The following PDIA6 variants were observed in gnomAD, a reference collection of about 807,000 sequenced individuals.
PDIA6 encodes protein disulfide-isomerase A6.
Under a neutral mutation model 58.4 loss-of-function variants are expected in PDIA6, and 29 were observed. The observed-to-expected ratio is 0.50, with a 90% CI of 0.37 to 0.68. The LOEUF is 0.68. PDIA6 is among the 30% of genes least tolerant of loss of function. The probability of loss-of-function intolerance (pLI) is 0.00; values close to 1 mark genes in which losing one functional copy is unlikely to be tolerated. For missense variants in PDIA6, 480 were observed against 551.0 expected (o/e 0.87, Z 1.29); for synonymous variants, 192 against 202.6 (o/e 0.95, Z 0.44).
Position 10,802,565 on chromosome 2 carries a change from G to C in PDIA6, c.95C>G (p.Pro32Arg). 6.7e-7 allele frequency: 1 copy of C among 1,483,454 alleles called. No individual in the cohort carries two copies. Among genetic ancestry groups the C allele is most frequent in the Admixed American group, 2.3e-5 (1 of 44,146 alleles). 91.9% of individuals were successfully genotyped at this position (1,483,454 alleles called of 1,614,324 possible). ...SSSDDVIELT[P>R]SNFNREVIQS... Reference sequence around the variant, plus strand: ...AATAACTTCTCGGTTGAAATTCGATGGAGTTAATTCGATCACATCATCACT... The same window carrying C: ...AATAACTTCTCGGTTGAAATTCGATCGAGTTAATTCGATCACATCATCACT... The change falls in exon 2 of 13, where the codon CCA (proline) becomes CGA (arginine). Residue 32 changes from proline (P) to arginine (R), a missense_variant. Coordinates refer to ENST00000272227, the MANE Select transcript of PDIA6 (RefSeq NM_005742.4).
At chr2:10,800,601 C>A (rs1169338537) in intron 2 of PDIA6, among the ~76,000 whole-genome samples, 2 of 140,894 alleles carry the variant, frequency 1.4e-5, no homozygotes, top group Non-Finnish European at 3.1e-5. Flanking sequence ...TAAAGGAGAT[C>A]TTTTTTTTTT....
exon 1 of PDIA6, chr2:10,837,559 T>C (rs1019429081): frequency 7.9e-6 from 6 of 763,044 alleles, no homozygotes; most frequent in Admixed American, 6.0e-5. Context: ...CATCAACTCA[T>C]TTGATCCTCG....
chr2:10,792,487 A>ATC (rs1426209379), intron 5 of PDIA6, among the ~76,000 whole-genome samples: 2 of 152,198 alleles, frequency 1.3e-5, no homozygotes, highest in African/African-American at 4.8e-5. Flanking sequence ...AGAGCATGAA[A>ATC]TCTCTGGGTA....
At chr2:10,836,135 T>C (rs2148586977), upstream of PDIA6, among the ~76,000 whole-genome samples, 1 of 151,750 alleles carries the variant, frequency 6.6e-6, no homozygotes, top group South Asian at 2.1e-4. Context: ...CCCGTGGGGG[T>C]GCCACCACCA....
intron 8 of PDIA6, among the ~76,000 whole-genome samples, 178 bp downstream of exon 8, chr2:10,789,571 T>C (rs1665938842): frequency 6.6e-6 from 1 of 152,252 alleles, no homozygotes; most frequent in South Asian, 2.1e-4. Flanking sequence ...GTAATTATTC[T>C]AATGCTAAAA....
At chr2:10,801,113 T>C (rs1285180481) in intron 2 of PDIA6, among the ~76,000 whole-genome samples, 1 of 152,108 alleles carries the variant, frequency 6.6e-6, no homozygotes, top group African/African-American at 2.4e-5. Context: ...ATTCCGTCTC[T>C]ATAAAAAATA....
intron 1 of PDIA6, 45 bp downstream of exon 1, chr2:10,812,633 G>C (rs747679252): frequency 6.7e-7 from 1 of 1,502,112 alleles, no homozygotes; most frequent in South Asian, 1.2e-5. Context: ...AAACCTTTCA[G>C]GCCGACCCCA....
chr2:10,810,383 A>AAAGG, intron 1 of PDIA6: 1 of 1,496,160 alleles, frequency 6.7e-7, no homozygotes, highest in South Asian at 1.3e-5. Flanking sequence ...GGACAGCAAT[A>AAAGG]ACGTCAGTCC....
intron 1 of PDIA6, among the ~76,000 whole-genome samples, chr2:10,831,436 T>C (rs1734437): frequency 0.99 from 150,572 of 152,240 alleles, 74,483 homozygotes; most frequent in Middle Eastern, 1. Flanking sequence ...AAGCCTCTTC[T>C]GGCATGGTGG....
chr2:10,837,493 G>A (rs1411340334), intron 1 of PDIA6: 2 of 702,284 alleles, frequency 2.8e-6, no homozygotes, highest in South Asian at 1.5e-5. Context: ...TCCAGATGGT[G>A]ATTTAAGGAG....
chr2:10,830,944 C>T (rs1456234481), intron 1 of PDIA6, among the ~76,000 whole-genome samples: 1 of 152,212 alleles, frequency 6.6e-6, no homozygotes, highest in African/African-American at 2.4e-5. Flanking sequence ...CCCACTTAGC[C>T]TCTCTGTCTC....
chr2:10,810,309 CCA>C (rs1666950603), intron 1 of PDIA6: 4 of 1,534,106 alleles, frequency 2.6e-6, no homozygotes, highest in East Asian at 4.9e-5. Flanking sequence ...GGGGTATAAT[CCA>C]CAGAGCATCA....
chr2:10,791,690 A>G, intron 6 of PDIA6, 105 bp downstream of exon 6: 1 of 1,010,890 alleles, frequency 9.9e-7, no homozygotes, highest in Non-Finnish European at 1.4e-6. Context: ...TTGCTGGAAG[A>G]GATCTTAGTG....
At chr2:10,796,438 G>A (rs10174167) in intron 4 of PDIA6, among the ~76,000 whole-genome samples, 77,284 of 150,726 alleles carry the variant, frequency 0.51, 21,432 homozygotes, top group South Asian at 0.63. Flanking sequence ...GCTGAAGTAG[G>A]AGGACTGCCT....
Sources: gnomAD v4.1 joint callset for allele counts (sites outside exome capture counted in the v4.1 genomes callset) on GRCh38, gnomAD v4.1.1 for gene constraint, MANE v1.5 for transcripts, NCBI Gene and HGNC (gene_info 2026-07-23, HGNC 2026-07-21) for gene names.